The following MACF1 variants were observed in gnomAD, a reference collection of about 807,000 sequenced individuals.
The protein encoded by MACF1 is microtubule-actin cross-linking factor 1.
Under a neutral mutation model 854.8 loss-of-function variants are expected in MACF1, and 193 were observed. The observed-to-expected ratio is 0.23, with a 90% confidence interval of 0.20 to 0.25. The LOEUF is 0.25. Ranked by LOEUF, MACF1 falls within the 10% of genes least tolerant of loss-of-function variation. The pLI is 1.00. For missense variants in MACF1, 7,722 were observed against 8,929.1 expected, an observed-to-expected ratio of 0.86 and a Z score of 5.45; for synonymous variants, 3,185 against 3,226.7, an observed-to-expected ratio of 0.99 and a Z score of 0.44.
chr1:39,429,300 G>C lies in MACF1; in HGVS notation c.16862G>C (p.Gly5621Ala). Residue 5621 changes from glycine (G) to alanine (A), a missense_variant, in exon 64 of 101, where the codon GGT becomes GCT. Gly to Ala is a moderately conservative substitution (Grantham distance 60). Coordinates refer to ENST00000564288, the MANE Select transcript of MACF1 (RefSeq NM_001394062.1). ...KKNVDQAIKN[G>A]QALLKQTTGE... ...AATGTAGATCAAGCTATTAAAAATG[G>C]TCAGGCTCTTCTAAAACAAACCACA... The C allele has an allele frequency of 6.3e-7, 1 of 1,588,412 alleles. No individual in the cohort carries two copies. Among genetic ancestry groups the C allele is most frequent in the Non-Finnish European group, 8.6e-7 (1 of 1,157,146 alleles).
chr1:39,231,635 T>G (rs950724300), intron 2 of MACF1, among the ~76,000 whole-genome samples: 5 of 152,234 alleles, frequency 3.3e-5, no homozygotes, highest in African/African-American at 1.2e-4. Flanking sequence ...TGGGATGATT[T>G]TAAAAATTCG....
chr1:39,439,101 AAAAG>A (rs1052816298), intron 71 of MACF1, among the ~76,000 whole-genome samples, 169 bp from the exon 72 acceptor site: 15 of 152,198 alleles, frequency 9.9e-5, no homozygotes, highest in South Asian at 6.2e-4. Flanking sequence ...AAAAAAAAGA[AAAAG>A]AAATAATAGT....
At chr1:39,455,233 C>G (rs1644412675) in intron 89 of MACF1, 136 bp downstream of exon 89, 2 of 798,084 alleles carry the variant, frequency 2.5e-6, no homozygotes, top group Non-Finnish European at 3.9e-6. Flanking sequence ...ACAACACATA[C>G]TTACTTACCT....
In MACF1 at chr1:39,334,075, G is replaced by T. The variant is rs148092734; in HGVS notation, c.7487G>T (p.Arg2496Leu). Reference sequence around the variant, plus strand: ...CTTTTGGAGAGAGAGGAGGCCGTTCGTTTGTTGACTAAGCAAGTGGTAGAT... The same window carrying T: ...CTTTTGGAGAGAGAGGAGGCCGTTCTTTTGTTGACTAAGCAAGTGGTAGAT... ...RGLLEREEAV[R>L]LLTKQVVDGG... is the part of the protein sequence containing the mutation. Residue 2496 changes from arginine (R) to leucine (L), a missense_variant, in exon 37 of 101, where the codon CGT becomes CTT. Physicochemically the swap from Arg to Leu is moderately radical, Grantham distance 102. Coordinates refer to ENST00000564288, the MANE Select transcript of MACF1 (RefSeq NM_001394062.1). The T allele has an allele frequency of 5.0e-5, 81 of 1,614,018 alleles. No individual in the cohort carries two copies. The highest frequency in any genetic ancestry group is 6.4e-5 in the Non-Finnish European group (76 of 1,180,036).
At chr1:39,411,023 G>C (rs1487800568) in intron 58 of MACF1, 1 of 1,613,888 alleles carries the variant, frequency 6.2e-7, no homozygotes, top group African/African-American at 1.3e-5. Context: ...CAGGAATCCA[G>C]ATTCTCAAGT....
intron 58 of MACF1, chr1:39,412,034 C>T (rs1177834259): frequency 6.2e-7 from 1 of 1,613,964 alleles, no homozygotes; most frequent in Admixed American, 1.7e-5. Flanking sequence ...AGACAGCCAG[C>T]TGATCTGGAT....
intron 2 of MACF1, among the ~76,000 whole-genome samples, chr1:39,087,035 C>T (rs755223209): frequency 1.3e-5 from 2 of 152,176 alleles, no homozygotes; most frequent in Non-Finnish European, 2.9e-5. Context: ...CTGAAATCTT[C>T]ATGTGATTTT....
chr1:39,407,825 T>C (rs1287094947), intron 58 of MACF1, among the ~76,000 whole-genome samples: 1 of 152,240 alleles, frequency 6.6e-6, no homozygotes, highest in Non-Finnish European at 1.5e-5. Context: ...ATTGACCACA[T>C]GGTCCGACAG....
At chr1:39,361,129 A>G (rs1648152252) in intron 48 of MACF1, 128 bp downstream of exon 48, 1 of 876,932 alleles carries the variant, frequency 1.1e-6, no homozygotes, top group Non-Finnish European at 1.8e-6. Flanking sequence ...TAGAAATGAT[A>G]ACTAATCTAT....
intron 55 of MACF1, among the ~76,000 whole-genome samples, chr1:39,381,384 G>GT (rs1650196614): frequency 2.1e-5 from 3 of 144,914 alleles, no homozygotes; most frequent in Non-Finnish European, 3.0e-5. Flanking sequence ...TTTTTGGGGG[G>GT]GGGGACAGGG....
At position 39,230,735 on chromosome 1, in the gene MACF1, C is replaced by T. The variant is rs917127988; in HGVS notation, c.110-447C>T. On this transcript the variant is annotated intron_variant, in intron 1 of 100. Transcript: ENST00000564288. Reference sequence around the variant, plus strand: ...GTAAAGAAATTGGAATGAAGGAATTCCTGGGGTAGGAGAGGGAGGGAGTTG... The same window carrying T: ...GTAAAGAAATTGGAATGAAGGAATTTCTGGGGTAGGAGAGGGAGGGAGTTG... 3.3e-5 allele frequency among the ~76,000 whole-genome samples: 5 copies of T among 151,984 alleles called. No homozygotes were observed. The South Asian group carries it at 8.3e-4, about 25-fold the overall frequency.
intron 23 of MACF1, among the ~76,000 whole-genome samples, chr1:39,306,829 C>G (rs1309364771): frequency 6.6e-6 from 1 of 150,980 alleles, no homozygotes; most frequent in East Asian, 1.9e-4. Context: ...CTGTCTTCTT[C>G]TTCCTCTAAC....
intron 84 of MACF1, among the ~76,000 whole-genome samples, chr1:39,449,205 A>G (rs1274613191): frequency 1.3e-5 from 2 of 152,158 alleles, no homozygotes; most frequent in African/African-American, 4.8e-5. Flanking sequence ...TGAGGTGGGT[A>G]CCATTTTTAT....
At chr1:39,249,440 A>T (rs1571221405) in intron 2 of MACF1, among the ~76,000 whole-genome samples, 1 of 152,240 alleles carries the variant, frequency 6.6e-6, no homozygotes, top group East Asian at 1.9e-4. Context: ...GTTTGATATT[A>T]ACCACACTTT....
intron 1 of MACF1, chr1:39,215,524 C>T (rs561535893): frequency 1.3e-5 from 2 of 151,510 alleles, no homozygotes; most frequent in African/African-American, 2.4e-5. Context: ...GCATGGACTT[C>T]GAAGCCTTGT....
chr1:39,199,516 C>T (rs1334357781), intron 2 of MACF1, among the ~76,000 whole-genome samples: 1 of 152,004 alleles, frequency 6.6e-6, no homozygotes, highest in Non-Finnish European at 1.5e-5. Context: ...GGTGTCAGCT[C>T]ATCCTCTTTC....
At chr1:39,432,290 T>C (rs1486662834) in intron 66 of MACF1, among the ~76,000 whole-genome samples, 1 of 152,328 alleles carries the variant, frequency 6.6e-6, no homozygotes, top group Middle Eastern at 3.4e-3. Flanking sequence ...GGGATTGATA[T>C]CTGTTATTTC....
chr1:39,406,756 A>AAC lies in MACF1; in HGVS notation c.15817-15617_15817-15616insCA, dbSNP rs1553362901. On this transcript the variant is annotated intron_variant, in intron 58 of 100. Transcript: ENST00000564288. Reference sequence around the variant, plus strand: ...TCTCACTCAAAAAAAAAAAAAAAAAAAACATTCTTTATAATAGAATAACCA... The same window carrying AAC: ...TCTCACTCAAAAAAAAAAAAAAAAAAACAACATTCTTTATAATAGAATAACCA... Among the ~76,000 whole-genome samples the AAC allele has an allele frequency of 7.2e-4, 84 of 116,082 alleles. 4 individuals are homozygous for AAC. The highest frequency in any genetic ancestry group is 3.0e-3 in the African/African-American group (77 of 26,090). The allele number at this position is 116,082 out of a possible 152,430, so 76.2% of individuals were successfully genotyped here. A position where few individuals can be genotyped will look rare whatever the true frequency, so the allele number is the denominator to read the frequency against.
intron 1 of MACF1, among the ~76,000 whole-genome samples, chr1:39,211,260 G>T (rs909551654): frequency 6.6e-6 from 1 of 151,932 alleles, no homozygotes; most frequent in African/African-American, 2.4e-5. Flanking sequence ...GAGCCACCAC[G>T]CCCAGCCTTG....
Sources: allele counts gnomAD v4.1 joint callset (sites outside exome capture counted in the v4.1 genomes callset), GRCh38; gene constraint gnomAD v4.1.1; transcripts MANE v1.5; gene names NCBI Gene and HGNC (gene_info 2026-07-23, HGNC 2026-07-21).